CELF2: variants seen among roughly 807,000 people sequenced by gnomAD.
The protein encoded by CELF2 is CUGBP Elav-like family member 2, also known as CUG triplet repeat RNA-binding protein 2.
A neutral mutation model predicts 62.6 loss-of-function variants in CELF2; 8 were observed. That is an observed-to-expected ratio of 0.13 (90% CI 0.07 to 0.23). The LOEUF (loss-of-function observed/expected upper bound fraction) is 0.23. CELF2 is among the 10% of genes least tolerant of loss of function. The pLI is 1.00. For synonymous variants in CELF2, 258 were observed against 250.0 expected (o/e 1.03, Z -0.30); for missense variants, 333 against 671.0 (o/e 0.50, Z 5.56).
intron 1 of CELF2, among the ~76,000 whole-genome samples, chr10:11,163,643 G>A (rs1395701665): frequency 6.6e-6 from 1 of 152,202 alleles, no homozygotes; most frequent in Non-Finnish European, 1.5e-5. Flanking sequence ...ATAACAATAA[G>A]GTTGATTAGA....
At chr10:10,547,397 T>C in the CELF2 span, among the ~76,000 whole-genome samples, 6,468 of 152,274 alleles carry the variant, frequency 0.042, 192 homozygotes, top group Non-Finnish European at 0.062. Flanking sequence ...CCACTGACTT[T>C]GCCTGTGACA....
At chr10:10,621,857 C>G in the CELF2 span, among the ~76,000 whole-genome samples, 1 of 152,092 alleles carries the variant, frequency 6.6e-6, no homozygotes, top group African/African-American at 2.4e-5. Flanking sequence ...CACCCTTCCA[C>G]CAGATATCAT....
chr10:11,291,115 C>T (rs1374917312), intron 9 of CELF2, among the ~76,000 whole-genome samples: 1 of 152,122 alleles, frequency 6.6e-6, no homozygotes, highest in South Asian at 2.1e-4. Context: ...CTATTTGGAC[C>T]ATGAGCCAGT....
the CELF2 span, among the ~76,000 whole-genome samples, chr10:10,615,472 C>T: frequency 3.9e-5 from 6 of 152,112 alleles, no homozygotes; most frequent in Non-Finnish European, 8.8e-5. Context: ...CATTTCTGCG[C>T]TTTGTGGTAG....
intron 1 of CELF2, among the ~76,000 whole-genome samples, chr10:10,868,237 G>A (rs2060507043): frequency 6.6e-6 from 1 of 152,208 alleles, no homozygotes; most frequent in Admixed American, 6.5e-5. Context: ...TTGAGCACTT[G>A]ACGTCAGATG....
intron 1 of CELF2, among the ~76,000 whole-genome samples, chr10:11,130,545 T>C (rs2059460780): frequency 6.6e-6 from 1 of 152,234 alleles, no homozygotes; most frequent in Admixed American, 6.5e-5. Context: ...TTGTGATGTG[T>C]GTATGTAATA....
At chr10:10,762,358 A>G in the CELF2 span, among the ~76,000 whole-genome samples, 1 of 152,170 alleles carries the variant, frequency 6.6e-6, no homozygotes, top group South Asian at 2.1e-4. Flanking sequence ...ACAGCATTTA[A>G]TTATGGATTG....
the CELF2 span, among the ~76,000 whole-genome samples, chr10:10,599,451 G>A: frequency 6.6e-6 from 1 of 152,156 alleles, no homozygotes; most frequent in African/African-American, 2.4e-5. Flanking sequence ...TTTACTAGCA[G>A]TAGGCAAACT....
At chr10:11,079,750 C>CCCT (rs1554822799) in intron 1 of CELF2, among the ~76,000 whole-genome samples, 2,605 of 146,162 alleles carry the variant, frequency 0.018, 89 homozygotes, top group African/African-American at 0.057. Flanking sequence ...AGCCCCCCCC[C>CCCT]CCTTTTTAGG....
Position 11,227,429 on chromosome 10 carries a change from G to A in CELF2, c.354+9922G>A, listed in dbSNP as rs955368634. Among the ~76,000 whole-genome samples the A allele has an allele frequency of 7.2e-5, 11 of 152,144 alleles. No homozygotes were observed. Among genetic ancestry groups the A allele is most frequent in the African/African-American group, 2.4e-4 (10 of 41,418 alleles). ...CCATGAGACAGCGCTGCTGCTCTCCGCATCACAGCAAAGTCAAGGCAAAGG... is the reference window on the plus strand; with the variant it reads ...CCATGAGACAGCGCTGCTGCTCTCCACATCACAGCAAAGTCAAGGCAAAGG... On this transcript the variant is annotated intron_variant, in intron 3 of 12. Transcript: ENST00000633077. The surrounding 1 kb of genome is among the most constrained non-coding windows in gnomAD (Gnocchi z 4.8).
intron 2 of CELF2, among the ~76,000 whole-genome samples, chr10:10,965,669 G>T (rs1480264739): frequency 6.6e-6 from 1 of 152,072 alleles, no homozygotes; most frequent in Non-Finnish European, 1.5e-5. Context: ...TTTAAAGTGG[G>T]ATATAAGAGC....
At chr10:10,683,714 T>C in the CELF2 span, among the ~76,000 whole-genome samples, 1 of 152,192 alleles carries the variant, frequency 6.6e-6, no homozygotes, top group Non-Finnish European at 1.5e-5. Context: ...GCAGTTGTAA[T>C]GTAGATCATA....
At chr10:11,077,015 T>A (rs2072192560) in intron 1 of CELF2, among the ~76,000 whole-genome samples, 1 of 152,218 alleles carries the variant, frequency 6.6e-6, no homozygotes, top group South Asian at 2.1e-4. Flanking sequence ...CATTGACTCC[T>A]TAGTAACCTT....
intron 2 of CELF2, among the ~76,000 whole-genome samples, chr10:10,999,045 A>C (rs1471291728): frequency 6.6e-6 from 1 of 152,242 alleles, no homozygotes; most frequent in Non-Finnish European, 1.5e-5. Context: ...GAAAACATCA[A>C]GTTTATCATT....
chr10:10,539,387 G>A, the CELF2 span, among the ~76,000 whole-genome samples: 1 of 152,054 alleles, frequency 6.6e-6, no homozygotes, highest in East Asian at 1.9e-4. Context: ...TTGGCCTTTT[G>A]CTTAATTAAA....
the CELF2 span, among the ~76,000 whole-genome samples, chr10:10,616,691 CGTGTGTGTGTGT>C: frequency 1.5e-5 from 2 of 134,428 alleles, no homozygotes; most frequent in Admixed American, 7.5e-5. Flanking sequence ...TGTGTGTGTG[CGTGTGTGTGTGT>C]GTGTGTGTGT....
intron 1 of CELF2, among the ~76,000 whole-genome samples, chr10:10,836,940 C>G (rs1042083387): frequency 2.6e-5 from 4 of 152,176 alleles, no homozygotes; most frequent in Non-Finnish European, 4.4e-5. Flanking sequence ...TGGCCTGTAG[C>G]CTCATTTTTA....
At chr10:10,716,818 A>G in the CELF2 span, among the ~76,000 whole-genome samples, 4 of 152,208 alleles carry the variant, frequency 2.6e-5, no homozygotes, top group African/African-American at 4.8e-5. Context: ...TTTCGCTGCA[A>G]CATTTTGAGG....
the CELF2 span, among the ~76,000 whole-genome samples, chr10:10,784,163 G>A: frequency 6.6e-5 from 10 of 152,162 alleles, no homozygotes; most frequent in Non-Finnish European, 4.4e-5. Flanking sequence ...GAGCAACAGG[G>A]ATATGCCTCA....
Sources: allele counts gnomAD v4.1 joint callset (sites outside exome capture counted in the v4.1 genomes callset), GRCh38; gene constraint gnomAD v4.1.1; non-coding constraint Gnocchi (gnomAD v3.1); transcripts MANE v1.5; gene names NCBI Gene and HGNC (gene_info 2026-07-23, HGNC 2026-07-21).